Variants in RUNDC3B observed in about 807,000 individuals in gnomAD.
RUNDC3B encodes RUN domain-containing protein 3B.
In RUNDC3B, 33 loss-of-function variants were observed where a neutral mutation model predicts 58.4. The ratio of observed to expected loss-of-function variants is 0.56; its 90% CI spans 0.43 to 0.75. The LOEUF (loss-of-function observed/expected upper bound fraction) is 0.75. Ranked by LOEUF, RUNDC3B falls within the 30% of genes least tolerant of loss-of-function variation. The pLI is 0.00. For synonymous variants in RUNDC3B, 193 were observed against 195.2 expected (o/e 0.99, Z 0.10); for missense variants, 501 against 535.7 (o/e 0.94, Z 0.64).
At chr7:87,727,113 C>T (rs529467167) in intron 4 of RUNDC3B, among the ~76,000 whole-genome samples, 10 of 152,240 alleles carry the variant, frequency 6.6e-5, no homozygotes, top group East Asian at 3.9e-4. Context: ...GGCCAGAAAT[C>T]CCAACACTAT....
intron 8 of RUNDC3B, among the ~76,000 whole-genome samples, chr7:87,790,312 G>C (rs1057329851): frequency 7.9e-5 from 12 of 152,204 alleles, no homozygotes; most frequent in Admixed American, 2.0e-4. Flanking sequence ...AAAAACCACA[G>C]TGTTATTGGG....
chr7:87,641,707 T>C (rs1427468855), intron 1 of RUNDC3B, among the ~76,000 whole-genome samples: 2 of 152,208 alleles, frequency 1.3e-5, no homozygotes, highest in Non-Finnish European at 2.9e-5. Flanking sequence ...ACATATTGTT[T>C]TGAAAATATT....
intron 10 of RUNDC3B, among the ~76,000 whole-genome samples, chr7:87,817,872 T>A (rs1211482860): frequency 6.6e-6 from 1 of 152,166 alleles, no homozygotes. Flanking sequence ...TATTAAACAT[T>A]TATTGATCAA....
intron 4 of RUNDC3B, among the ~76,000 whole-genome samples, chr7:87,737,296 C>G (rs558195376): frequency 6.6e-6 from 1 of 152,124 alleles, no homozygotes; most frequent in East Asian, 1.9e-4. Flanking sequence ...AGGCTTTACT[C>G]CTGGCTCATT....
chr7:87,663,110 A>G (rs1226216767), intron 2 of RUNDC3B, among the ~76,000 whole-genome samples: 3 of 152,106 alleles, frequency 2.0e-5, no homozygotes, highest in Non-Finnish European at 4.4e-5. Context: ...AACTTTACTG[A>G]ATTTGTTTAT....
At chr7:87,750,048 G>T (rs1450853270) in intron 6 of RUNDC3B, among the ~76,000 whole-genome samples, 1 of 151,630 alleles carries the variant, frequency 6.6e-6, no homozygotes, top group African/African-American at 2.4e-5. Flanking sequence ...CCCACAACAG[G>T]TCCCAGAGTG....
At chr7:87,651,065 T>C (rs1823522496) in intron 2 of RUNDC3B, 128 bp downstream of exon 2, 2 of 606,524 alleles carry the variant, frequency 3.3e-6, no homozygotes, top group South Asian at 4.1e-5. Flanking sequence ...TCAAATCTTT[T>C]GGCCTGTGTG....
At chr7:87,658,572 C>G (rs1824360442) in intron 2 of RUNDC3B, among the ~76,000 whole-genome samples, 1 of 152,108 alleles carries the variant, frequency 6.6e-6, no homozygotes, top group African/African-American at 2.4e-5. Flanking sequence ...CAAATAAATT[C>G]ATGCCAAAGG....
At position 87,743,278 on chromosome 7, in the gene RUNDC3B, C is replaced by T. The variant is rs10262494; in HGVS notation, c.629+1699C>T. 1.0e-2 allele frequency among the ~76,000 whole-genome samples: 1,515 copies of T among 152,234 alleles called. 27 individuals carry two copies. Among genetic ancestry groups the T allele is most frequent in the African/African-American group, 0.035 (1,443 of 41,526 alleles). ...TGCGAATTGTGCTGCTATAAACATG[C>T]GTGTGCAAGTATCTTTTTCAAATAA... On this transcript the variant is annotated intron_variant, in intron 6 of 10. Coordinates refer to ENST00000394654, the MANE Select transcript of RUNDC3B (RefSeq NM_001134405.2).
chr7:87,799,251 G>A (rs1237897782), intron 8 of RUNDC3B, among the ~76,000 whole-genome samples: 2 of 152,186 alleles, frequency 1.3e-5, no homozygotes, highest in Non-Finnish European at 2.9e-5. Context: ...CCCTTATAGA[G>A]TTTATGTTGA....
intron 3 of RUNDC3B, among the ~76,000 whole-genome samples, chr7:87,703,914 G>GTTT (rs35797972): frequency 8.7e-3 from 372 of 42,962 alleles, no homozygotes; most frequent in East Asian, 0.013. Flanking sequence ...TTTTTTTTTG[G>GTTT]TTTTTTTTTT....
At chr7:87,702,090 C>T (rs1016253884) in intron 3 of RUNDC3B, among the ~76,000 whole-genome samples, 3 of 119,834 alleles carry the variant, frequency 2.5e-5, no homozygotes, top group African/African-American at 1.0e-4. Context: ...TTGCAGTGAG[C>T]AGAGATCGCG....
intron 8 of RUNDC3B, among the ~76,000 whole-genome samples, chr7:87,778,424 C>T (rs1173436915): frequency 7.9e-6 from 1 of 125,854 alleles, no homozygotes; most frequent in Non-Finnish European, 1.6e-5. Context: ...CTCTGGCTGA[C>T]AGAGCAAAAC....
At chr7:87,817,344 C>A (rs1837103743) in intron 10 of RUNDC3B, among the ~76,000 whole-genome samples, 1 of 152,190 alleles carries the variant, frequency 6.6e-6, no homozygotes, top group African/African-American at 2.4e-5. Flanking sequence ...CAATCAGTGA[C>A]CTTTAAAAAC....
intron 4 of RUNDC3B, among the ~76,000 whole-genome samples, chr7:87,723,833 A>T (rs190739825): frequency 2.8e-4 from 42 of 148,386 alleles, no homozygotes; most frequent in East Asian, 1.4e-3. Context: ...GCCAATATTT[A>T]AAAAAAAAGT....
rs1829989120 is a variant in RUNDC3B, at chr7:87,710,594, C to A, written c.397C>A (p.Leu133Ile). The A allele has an allele frequency of 1.3e-6, 2 of 1,599,174 alleles. No individual in the cohort carries two copies. Among genetic ancestry groups the A allele is most frequent in the South Asian group, 2.2e-5 (2 of 89,526 alleles). ...GGGTAGAGCCTGGATCAGAGTAGCA[C>A]TCATGGAAAAACATTTATCTGAATA... ...AKGRAWIRVA[L>I]MEKHLSEYIS... Residue 133 changes from leucine to isoleucine, a missense_variant, in exon 4 of 11, where the codon CTC becomes ATC. Leu to Ile is a conservative substitution (Grantham distance 5). Transcript: ENST00000394654.
intron 2 of RUNDC3B, among the ~76,000 whole-genome samples, chr7:87,698,670 G>T (rs1378250773): frequency 6.6e-6 from 1 of 152,140 alleles, no homozygotes; most frequent in African/African-American, 2.4e-5. Context: ...TTTATTGAGT[G>T]CCTACTGTGA....
At chr7:87,706,086 C>G (rs1829557998) in intron 3 of RUNDC3B, among the ~76,000 whole-genome samples, 1 of 152,132 alleles carries the variant, frequency 6.6e-6, no homozygotes. Flanking sequence ...GGTTGCTTAT[C>G]CTGTACATTC....
intron 10 of RUNDC3B, among the ~76,000 whole-genome samples, chr7:87,818,565 A>C (rs1837208334): frequency 6.6e-6 from 1 of 152,210 alleles, no homozygotes. Context: ...TACAAATATA[A>C]TAAGAGAACA....
Sources: allele counts gnomAD v4.1 joint callset (sites outside exome capture counted in the v4.1 genomes callset), GRCh38; gene constraint gnomAD v4.1.1; transcripts MANE v1.5; gene names NCBI Gene and HGNC (gene_info 2026-07-23, HGNC 2026-07-21).